The following ADPRS variants were observed in gnomAD, a reference collection of about 807,000 sequenced individuals.
ADPRS encodes the protein ADP-ribosylserine hydrolase, also known as ADP-ribosylhydrolase ARH3.
A neutral mutation model predicts 32.1 loss-of-function variants in ADPRS; 25 were observed. The ratio of observed to expected loss-of-function variants is 0.78; its 90% CI spans 0.57 to 1.09. ADPRS has a LOEUF of 1.09. Ranked by LOEUF, ADPRS falls within the 50% of genes least tolerant of loss-of-function variation. The pLI is 0.00. For synonymous variants in ADPRS, 225 were observed against 201.0 expected (o/e 1.12, Z -1.01); for missense variants, 482 against 480.6 (o/e 1.00, Z -0.03).
chr1:36,090,322 A>G (rs529005388), intron 1 of ADPRS, among the ~76,000 whole-genome samples: 291 of 152,222 alleles, frequency 1.9e-3, no homozygotes, highest in Non-Finnish European at 3.1e-3. Context: ...CAAAAACAAA[A>G]AGACTGGAGC....
At chr1:36,092,327 C>G (rs1359380531) in intron 4 of ADPRS, 95 bp from the exon 5 acceptor site, 3 of 1,321,204 alleles carry the variant, frequency 2.3e-6, no homozygotes, top group East Asian at 2.4e-5. Context: ...GCCAGCCTGA[C>G]CACATCCCTG....
In ADPRS at chr1:36,093,860, G is replaced by A. The variant is rs1570015501; in HGVS notation, c.*474G>A. The stretch of plus-strand genomic sequence containing the variant: ...CATCCAGCTGATCTAGGTCACACCT[G>A]GCTCTTGGCTGCCATGTGGCTTATT... On this transcript the variant is annotated 3_prime_UTR_variant, in exon 6 of 6. Transcript: ENST00000373178. 1 of 159,868 alleles carries A rather than the reference G, an allele frequency of 6.3e-6. No homozygotes were observed. The highest frequency in any genetic ancestry group is 1.4e-5 in the Non-Finnish European group (1 of 72,346). 9.9% of individuals were successfully genotyped at this position (159,868 alleles called of 1,614,324 possible).
At chr1:36,089,185 G>A (rs1226734434) in intron 1 of ADPRS, 70 bp downstream of exon 1, 6 of 1,365,966 alleles carry the variant, frequency 4.4e-6, no homozygotes, top group Non-Finnish European at 3.8e-6. Flanking sequence ...GCCTCCGGGG[G>A]CGACGGGTCG....
Position 36,093,011 on chromosome 1 carries a change from C to T in ADPRS, c.803-86C>T. On this transcript the variant is annotated intron_variant, in intron 5 of 5. Transcript: ENST00000373178. ...TAGAGCCTGAGATCTTAGTCACAGC[C>T]TGCTTGAAGCCGAGAGTGCTGACTT... 1.3e-5 allele frequency: 18 copies of T among 1,429,558 alleles called. No individual in the cohort carries two copies. The South Asian group carries it at 2.2e-4, about 17-fold the overall frequency. 88.6% of individuals were successfully genotyped at this position (1,429,558 alleles called of 1,614,324 possible). A position where few individuals can be genotyped will look rare whatever the true frequency, so the allele number is the denominator to read the frequency against.
intron 1 of ADPRS, among the ~76,000 whole-genome samples, chr1:36,089,962 G>A (rs1375784681): frequency 2.7e-5 from 4 of 146,560 alleles, no homozygotes; most frequent in South Asian, 2.3e-4. Flanking sequence ...AGAAGAAAGG[G>A]CCATGGTCAG....
chr1:36,089,120 GC>G lies in ADPRS; in HGVS notation c.211+6del. ...CGCCCGGGAGTGAGCGGACAGGTGGGCGGGGCCGGGCGCAAGTCAGAGGCCG... is the reference window on the plus strand; with the variant it reads ...CGCCCGGGAGTGAGCGGACAGGTGGGGGGGCCGGGCGCAAGTCAGAGGCCG... On this transcript the variant is annotated splice_donor_region_variant and intron_variant, in intron 1 of 5. Coordinates refer to ENST00000373178, the MANE Select transcript of ADPRS (RefSeq NM_017825.3). 7.1e-7 allele frequency: 1 copy of G among 1,408,924 alleles called. No individual in the cohort carries two copies. Among genetic ancestry groups the G allele is most frequent in the Non-Finnish European group, 9.2e-7 (1 of 1,082,658 alleles). The allele number at this position is 1,408,924 out of a possible 1,614,324, so 87.3% of individuals were successfully genotyped here.
Position 36,093,376 on chromosome 1 carries a change from A to T in ADPRS, c.1082A>T (p.Gln361Leu). Residue 361 changes from glutamine to leucine, a missense_variant, in exon 6 of 6, where the codon CAG becomes CTG. Physicochemically the swap from Gln to Leu is moderately radical, Grantham distance 113 (BLOSUM62 -2). Transcript: ENST00000373178. Reference protein sequence around the residue: ...ILAQSLHRVFQKS With the variant: ...ILAQSLHRVFLKS ...GCCCAAAGCCTGCACCGTGTCTTCC[A>T]GAAGAGTTGATGAGGGCTACAGCTG... 3 of 1,613,010 alleles carry T rather than the reference A, an allele frequency of 1.9e-6. No individual in the cohort carries two copies. The highest frequency in any genetic ancestry group is 2.5e-6 in the Non-Finnish European group (3 of 1,179,150).
chr1:36,093,904 T>A lies in ADPRS; in HGVS notation c.*518T>A, dbSNP rs1643522397. ...GCTTATTAACAGCTTCCAGTGGAAG[T>A]CGCAATAAACAGTTTTTGGTAAATC... On this transcript the variant is annotated 3_prime_UTR_variant, in exon 6 of 6. Coordinates refer to ENST00000373178, the MANE Select transcript of ADPRS (RefSeq NM_017825.3). 1 of 159,006 alleles carries A rather than the reference T, an allele frequency of 6.3e-6. No individual in the cohort carries two copies. Among genetic ancestry groups the A allele is most frequent in the Non-Finnish European group, 1.4e-5 (1 of 71,794 alleles). 9.8% of individuals were successfully genotyped at this position (159,006 alleles called of 1,614,324 possible).
chr1:36,093,008 A>G (rs940433888), intron 5 of ADPRS, 89 bp from the exon 6 acceptor site: 1 of 1,406,374 alleles, frequency 7.1e-7, no homozygotes, highest in African/African-American at 1.4e-5. Flanking sequence ...TCTTAGTCAC[A>G]GCCTGCTTGA....
chr1:36,092,167 T>A (rs933230184), intron 4 of ADPRS, 73 bp downstream of exon 4: 57 of 1,519,170 alleles, frequency 3.8e-5, no homozygotes, highest in Non-Finnish European at 5.0e-5. Context: ...TGCCGCAAAC[T>A]GTAAACCTTC....
At chr1:36,092,259 C>G (rs77760126) in intron 4 of ADPRS, among the ~76,000 whole-genome samples, 163 bp from the exon 5 acceptor site, 1 of 152,138 alleles carries the variant, frequency 6.6e-6, no homozygotes, top group African/African-American at 2.4e-5. Flanking sequence ...TCCCAGAGAA[C>G]GAAACGACCT....
At chr1:36,091,140 G>C in intron 1 of ADPRS, 104 bp from the exon 2 acceptor site, 1 of 873,402 alleles carries the variant, frequency 1.1e-6, no homozygotes, top group Non-Finnish European at 1.8e-6. Context: ...GTGCACTCCA[G>C]TCTGGGCAAC....
In ADPRS at chr1:36,091,895, T is replaced by A; in HGVS notation, c.517-15T>A. On this transcript the variant is annotated splice_polypyrimidine_tract_variant and intron_variant, in intron 3 of 5. Transcript: ENST00000373178. ...GCAGCAGGGCTTCTGTGACAGCAGG[T>A]CTCCTCCTCCCTAGTTTGCCCGGCT... 1.3e-6 allele frequency: 2 copies of A among 1,594,578 alleles called. No individual in the cohort carries two copies. Among genetic ancestry groups the A allele is most frequent in the Non-Finnish European group, 1.7e-6 (2 of 1,166,912 alleles).
rs1434037056 is a variant in ADPRS, at chr1:36,092,033, C to CT, written c.640_641insT (p.Gln214LeufsTer12). 6.2e-7 allele frequency: 1 copy of CT among 1,614,040 alleles called. No homozygotes were observed. The stretch of plus-strand genomic sequence containing the variant: ...GTCTTCCAGCGAGCACTTTCTCAAG[C>CT]AACTCCTGGGCCACATGGAGGATCT... On this transcript the variant is annotated frameshift_variant, in exon 4 of 6. Transcript: ENST00000373178. LOFTEE classifies it high-confidence loss of function.
rs773923767 is a variant in ADPRS, at chr1:36,089,132, G to C, written c.211+17G>C. Reference sequence around the variant, plus strand: ...AGCGGACAGGTGGGCGGGGCCGGGCGCAAGTCAGAGGCCGTGCGGGAGGGA... The same window carrying C: ...AGCGGACAGGTGGGCGGGGCCGGGCCCAAGTCAGAGGCCGTGCGGGAGGGA... On this transcript the variant is annotated intron_variant, in intron 1 of 5. Coordinates refer to ENST00000373178, the MANE Select transcript of ADPRS (RefSeq NM_017825.3). 3.6e-6 allele frequency: 5 copies of C among 1,403,260 alleles called. No individual in the cohort carries two copies. The highest frequency in any genetic ancestry group is 5.9e-5 in the East Asian group (2 of 33,798). The allele number at this position is 1,403,260 out of a possible 1,614,324, so 86.9% of individuals were successfully genotyped here. A position where few individuals can be genotyped will look rare whatever the true frequency, so the allele number is the denominator to read the frequency against.
rs781507736 is a variant in ADPRS, at chr1:36,091,949, C to T, written c.556C>T (p.Leu186=). 2 of 1,611,672 alleles carry T rather than the reference C, an allele frequency of 1.2e-6. No homozygotes were observed. The highest frequency in any genetic ancestry group is 4.5e-5 in the East Asian group (2 of 44,820). The change falls in exon 4 of 6, where the codon CTG becomes TTG. Residue 186 remains leucine, a synonymous_variant. Transcript: ENST00000373178. ...LSAQLTHASS[L]GYNGAILQAL... ...GGCCCAGCTGACACACGCCTCCTCC[C>T]TGGGTTACAATGGCGCCATCCTGCA...
rs1643509830 is a variant in ADPRS at position 36,093,202 on chromosome 1, G to A, written c.908G>A (p.Arg303Lys). 1 of 1,614,198 alleles carries A rather than the reference G, an allele frequency of 6.2e-7. No homozygotes were observed. The highest frequency in any genetic ancestry group is 8.5e-7 in the Non-Finnish European group (1 of 1,180,048). ...EIPSAFNSLQ[R>K]TLIYSISLGG... is the part of the protein sequence containing the mutation. ...CCTTCTGCCTTCAATAGCCTCCAAA[G>A]GACTCTCATTTATTCCATCTCACTT... The change falls in exon 6 of 6, where the codon AGG (arginine) becomes AAG (lysine). Residue 303 changes from arginine to lysine, a missense_variant. Physicochemically the swap from Arg to Lys is conservative, Grantham distance 26. Transcript: ENST00000373178.
Position 36,091,344 on chromosome 1 carries a change from A to G in ADPRS, c.308+4A>G. The G allele has an allele frequency of 6.2e-7, 1 of 1,613,938 alleles. No individual in the cohort carries two copies. Among genetic ancestry groups the G allele is most frequent in the Non-Finnish European group, 8.5e-7 (1 of 1,179,890 alleles). ...ACGAGGTGGACATGGCTCACAGGTGAGGGGGATGGTCCTGGGCTGAGGCAA... is the reference window on the plus strand; with the variant it reads ...ACGAGGTGGACATGGCTCACAGGTGGGGGGGATGGTCCTGGGCTGAGGCAA... On this transcript the variant is annotated splice_donor_region_variant and intron_variant, in intron 2 of 5. Transcript: ENST00000373178.
chr1:36,090,679 C>CAAAAAAA lies in ADPRS; in HGVS notation c.212-545_212-539dup, dbSNP rs10625386. On this transcript the variant is annotated intron_variant, in intron 1 of 5. Transcript: ENST00000373178. ...GCAACAGGATGAAACTCCATCTCTA[C>CAAAAAAA]AAAAAAAAAAAAAAAAAAAAAAAAA... Among the ~76,000 whole-genome samples, 12 of 65,356 alleles carry CAAAAAAA rather than the reference C, an allele frequency of 1.8e-4. 3 individuals carry two copies. The highest frequency in any genetic ancestry group is 1.4e-3 in the East Asian group (3 of 2,192). The allele number at this position is 65,356 out of a possible 152,430, so 42.9% of individuals were successfully genotyped here.
Sources: allele counts gnomAD v4.1 joint callset (sites outside exome capture counted in the v4.1 genomes callset), GRCh38; gene constraint gnomAD v4.1.1; transcripts MANE v1.5; gene names NCBI Gene and HGNC (gene_info 2026-07-23, HGNC 2026-07-21).